Variants in GRIA1 observed in about 807,000 individuals in gnomAD.
GRIA1 encodes the protein glutamate receptor 1.
In GRIA1, 31 loss-of-function variants were observed where a neutral mutation model predicts 99.2. The ratio of observed to expected loss-of-function variants is 0.31; its 90% CI spans 0.23 to 0.42. The LOEUF is 0.42. GRIA1 is among the 10% of genes least tolerant of loss of function. The pLI is 1.00. For missense variants in GRIA1, 782 were observed against 1,157.5 expected, an observed-to-expected ratio of 0.68 and a Z score of 4.71; for synonymous variants, 438 against 432.4, an observed-to-expected ratio of 1.01 and a Z score of -0.16.
intron 2 of GRIA1, among the ~76,000 whole-genome samples, chr5:153,628,663 C>T (rs570697117): frequency 5.3e-5 from 8 of 152,352 alleles, no homozygotes; most frequent in Non-Finnish European, 7.3e-5. Context: ...TTTGTCCTCT[C>T]TTCAGATCCT....
rs181168995 is a variant in GRIA1 at position 153,590,108 on chromosome 5, A to G, written c.221-56820A>G. Among the ~76,000 whole-genome samples the G allele has an allele frequency of 9.2e-5, 14 of 152,314 alleles. No individual in the cohort carries two copies. The East Asian group carries it at 2.5e-3, about 27-fold the overall frequency. On this transcript the variant is annotated intron_variant, in intron 2 of 15. Coordinates refer to ENST00000285900, the MANE Select transcript of GRIA1 (RefSeq NM_000827.4). ...TAAGATAGCTATAAATAAAGGATTG[A>G]TCTCTGACTTCATGTTTGTACATTT...
At chr5:153,653,019 G>A (rs79428808) in intron 4 of GRIA1, among the ~76,000 whole-genome samples, 6,079 of 152,140 alleles carry the variant, frequency 0.04, 137 homozygotes, top group Middle Eastern at 0.085. Context: ...ATTCCAAATA[G>A]GGAATTAACT....
At chr5:153,677,947 T>C (rs1756707570) in intron 7 of GRIA1, among the ~76,000 whole-genome samples, 1 of 152,208 alleles carries the variant, frequency 6.6e-6, no homozygotes, top group African/African-American at 2.4e-5. Flanking sequence ...AATAGCACTA[T>C]ATTTTTGTTC....
At chr5:153,566,567 A>C (rs142883822) in intron 2 of GRIA1, among the ~76,000 whole-genome samples, 3,032 of 150,844 alleles carry the variant, frequency 0.02, 108 homozygotes, top group African/African-American at 0.068. Flanking sequence ...CGACCTCCCA[A>C]AGTGCTGGGA....
chr5:153,666,377 G>T (rs967766335), intron 5 of GRIA1, among the ~76,000 whole-genome samples: 2 of 152,168 alleles, frequency 1.3e-5, no homozygotes, highest in Admixed American at 6.6e-5. Context: ...GGAATAAAGT[G>T]CTGTGTGGTT....
At chr5:153,795,552 G>A (rs372301831) in intron 14 of GRIA1, 8 of 1,612,664 alleles carry the variant, frequency 5.0e-6, no homozygotes, top group African/African-American at 1.3e-5. Flanking sequence ...ATGGTGGTAC[G>A]ATAAAGGGGA....
At chr5:153,775,530 G>A (rs2149627049) in intron 13 of GRIA1, among the ~76,000 whole-genome samples, 1 of 152,266 alleles carries the variant, frequency 6.6e-6, no homozygotes, top group East Asian at 1.9e-4. Context: ...CGGGTAATGG[G>A]CACCCAGGAA....
At chr5:153,734,592 T>A (rs546080020) in intron 11 of GRIA1, among the ~76,000 whole-genome samples, 1 of 152,276 alleles carries the variant, frequency 6.6e-6, no homozygotes, top group African/African-American at 2.4e-5. Flanking sequence ...GACACATTCC[T>A]TACTCTCAAG....
At chr5:153,798,403 T>C (rs934119226) in intron 14 of GRIA1, among the ~76,000 whole-genome samples, 4 of 152,214 alleles carry the variant, frequency 2.6e-5, no homozygotes, top group African/African-American at 7.2e-5. Context: ...CCTAAAAGGC[T>C]AAGTCAGATT....
At chr5:153,750,543 CAA>C (rs1482677775) in intron 11 of GRIA1, among the ~76,000 whole-genome samples, 1 of 152,054 alleles carries the variant, frequency 6.6e-6, no homozygotes, top group African/African-American at 2.4e-5. Flanking sequence ...CTGCTGGGAT[CAA>C]GAGTTGATTG....
At chr5:153,753,679 A>G (rs1762634486) in intron 11 of GRIA1, among the ~76,000 whole-genome samples, 1 of 148,908 alleles carries the variant, frequency 6.7e-6, no homozygotes, top group Admixed American at 6.8e-5. Flanking sequence ...AAGCCACATA[A>G]GTTATAGCCA....
intron 2 of GRIA1, among the ~76,000 whole-genome samples, chr5:153,566,462 C>T (rs941428020): frequency 4.7e-5 from 7 of 149,390 alleles, no homozygotes; most frequent in African/African-American, 1.7e-4. Flanking sequence ...ATCCACCATG[C>T]CAAGCTAATT....
chr5:153,763,004 C>T (rs143121908), intron 11 of GRIA1, among the ~76,000 whole-genome samples: 2 of 152,304 alleles, frequency 1.3e-5, no homozygotes, highest in East Asian at 3.9e-4. Flanking sequence ...GCTCCTCATG[C>T]GACATAGCTT....
chr5:153,647,569 A>C (rs1255727942), intron 3 of GRIA1, among the ~76,000 whole-genome samples: 4 of 152,116 alleles, frequency 2.6e-5, no homozygotes, highest in Non-Finnish European at 4.4e-5. Context: ...CTATGCCTTC[A>C]TTTTCTCATG....
intron 13 of GRIA1, 91 bp downstream of exon 13, chr5:153,770,506 C>T (rs533825267): frequency 5.0e-4 from 622 of 1,242,984 alleles, no homozygotes; most frequent in Admixed American, 1.3e-3. Flanking sequence ...CCTCCAATGC[C>T]ACAATGCAAG....
rs549039330 is a variant in GRIA1 at position 153,811,340 on chromosome 5, A to C, written c.*115A>C. On this transcript the variant is annotated 3_prime_UTR_variant, in exon 16 of 16. Coordinates refer to ENST00000285900, the MANE Select transcript of GRIA1 (RefSeq NM_000827.4). ...AACGCAACCACCACCAACCACTGCG[A>C]CCACAAGAAGGATGATTCAACAGGT... The C allele has an allele frequency of 5.8e-5, 40 of 694,602 alleles. No individual in the cohort carries two copies. Among genetic ancestry groups the C allele is most frequent in the Non-Finnish European group, 9.5e-5 (37 of 390,040 alleles). The allele number at this position is 694,602 out of a possible 1,614,324, so 43.0% of individuals were successfully genotyped here.
At chr5:153,637,133 T>C (rs1330481640) in intron 2 of GRIA1, among the ~76,000 whole-genome samples, 1 of 152,220 alleles carries the variant, frequency 6.6e-6, no homozygotes. Context: ...CAATAGGTGA[T>C]ATAAATACAA....
At position 153,639,236 on chromosome 5, in the gene GRIA1, T is replaced by C. The variant is rs113064261; in HGVS notation, c.221-7692T>C. Among the ~76,000 whole-genome samples, 157 of 152,306 alleles carry C rather than the reference T, an allele frequency of 1.0e-3. No individual in the cohort carries two copies. The East Asian group carries it at 0.018, about 17-fold the overall frequency. The stretch of plus-strand genomic sequence containing the variant: ...GTGAGACCAGCTAGGACTGACCCTC[T>C]TAGGCCAAAGTGATGCTAGAGCCCT... On this transcript the variant is annotated intron_variant, in intron 2 of 15. Coordinates refer to ENST00000285900, the MANE Select transcript of GRIA1 (RefSeq NM_000827.4).
intron 2 of GRIA1, among the ~76,000 whole-genome samples, chr5:153,561,635 G>A (rs1364694169): frequency 2.0e-5 from 3 of 152,136 alleles, no homozygotes; most frequent in Non-Finnish European, 4.4e-5. Flanking sequence ...TTTTACCTTG[G>A]CTTAAAGCAG....
Sources: allele counts gnomAD v4.1 joint callset (sites outside exome capture counted in the v4.1 genomes callset), GRCh38; gene constraint gnomAD v4.1.1; transcripts MANE v1.5; gene names NCBI Gene and HGNC (gene_info 2026-07-23, HGNC 2026-07-21).